The following NUP210 variants were observed in gnomAD, a reference collection of about 807,000 sequenced individuals.
NUP210 encodes the protein nucleoporin 210, also known as nuclear pore membrane glycoprotein 210.
Under a neutral mutation model 196.0 loss-of-function variants are expected in NUP210, and 151 were observed. The observed-to-expected ratio is 0.77, with a 90% CI of 0.67 to 0.88. The LOEUF (loss-of-function observed/expected upper bound fraction) is 0.88, where lower values mean the gene tolerates loss of function less well. Ranked by LOEUF, NUP210 falls within the 40% of genes least tolerant of loss-of-function variation. The pLI is 0.00. For missense variants in NUP210, 2,314 were observed against 2,493.7 expected (o/e 0.93, Z 1.53); for synonymous variants, 1,070 against 1,052.7 (o/e 1.02, Z -0.32).
intron 1 of NUP210, among the ~76,000 whole-genome samples, chr3:13,414,219 C>T (rs1390648100): frequency 6.6e-6 from 1 of 152,244 alleles, no homozygotes; most frequent in Non-Finnish European, 1.5e-5. Flanking sequence ...TCCCATCCAC[C>T]CGCGGGGTCC....
chr3:13,415,526 T>C (rs1414557209), intron 1 of NUP210, among the ~76,000 whole-genome samples: 3 of 152,140 alleles, frequency 2.0e-5, no homozygotes, highest in African/African-American at 4.8e-5. Context: ...GGATGCAGCA[T>C]GCACACAAAT....
chr3:13,366,247 G>C (rs1426869864), intron 13 of NUP210, among the ~76,000 whole-genome samples, 156 bp from the exon 14 acceptor site: 1 of 152,196 alleles, frequency 6.6e-6, no homozygotes, highest in Non-Finnish European at 1.5e-5. Context: ...TCCTGCCTCA[G>C]CCTCCCAGAT....
At chr3:13,335,873 G>A (rs1009515387) in intron 27 of NUP210, among the ~76,000 whole-genome samples, 2 of 152,232 alleles carry the variant, frequency 1.3e-5, no homozygotes, top group Admixed American at 6.5e-5. Context: ...AAAACACTGG[G>A]CCCACCCACG....
At chr3:13,392,764 G>A (rs2062851) in intron 3 of NUP210, among the ~76,000 whole-genome samples, 87,807 of 152,132 alleles carry the variant, frequency 0.58, 26,531 homozygotes, top group African/African-American at 0.76. Flanking sequence ...GAGTACTGCT[G>A]GCCCCAGTTC....
Position 13,345,279 on chromosome 3 carries a change from T to C in NUP210, c.2836-1976A>G, listed in dbSNP as rs369395550. The C allele has an allele frequency of 3.1e-6, 3 of 966,128 alleles. No individual in the cohort carries two copies. The African/African-American group carries it at 5.3e-5, about 17-fold the overall frequency. 59.8% of individuals were successfully genotyped at this position (966,128 alleles called of 1,614,324 possible). A position where few individuals can be genotyped will look rare whatever the true frequency, so the allele number is the denominator to read the frequency against. On this transcript the variant is annotated intron_variant, in intron 20 of 39. Coordinates refer to ENST00000254508, the MANE Select transcript of NUP210 (RefSeq NM_024923.4). The stretch of plus-strand genomic sequence containing the variant: ...CCTTCACTTATTTGGAAAGTGCTGA[T>C]TCTGGTCCAACCACTTCAATGTGCA...
chr3:13,418,858 A>G (rs1016768805), intron 1 of NUP210, among the ~76,000 whole-genome samples: 5 of 145,946 alleles, frequency 3.4e-5, no homozygotes, highest in Non-Finnish European at 7.5e-5. Context: ...ACGAGGCGGG[A>G]GAATCGCTTG....
intron 13 of NUP210, among the ~76,000 whole-genome samples, chr3:13,370,518 C>A (rs1218088257): frequency 6.6e-6 from 1 of 152,148 alleles, no homozygotes; most frequent in Admixed American, 6.5e-5. Context: ...GGGACCTGAG[C>A]CCATGCCTGA....
Position 13,337,906 on chromosome 3 carries a change from C to T in NUP210, c.3483G>A (p.Gln1161=), listed in dbSNP as rs1278278446. 6.2e-7 allele frequency: 1 copy of T among 1,612,856 alleles called. No individual in the cohort carries two copies. Among genetic ancestry groups the T allele is most frequent in the Non-Finnish European group, 8.5e-7 (1 of 1,179,858 alleles). Reference sequence around the variant, plus strand: ...CGGCCCTTAGCAGCAGCACCTCCACCTGCACGAGGTCCTGGGGAAACAGGG... The same window carrying T: ...CGGCCCTTAGCAGCAGCACCTCCACTTGCACGAGGTCCTGGGGAAACAGGG... The part of the protein sequence containing the change: ...KVVIISQDLV[Q]VEVLLLRAVR... Residue 1161 remains glutamine, a synonymous_variant, in exon 26 of 40, where the codon CAG becomes CAA. Transcript: ENST00000254508.
At chr3:13,335,417 CT>C in intron 28 of NUP210, 36 bp downstream of exon 28, 2 of 1,592,830 alleles carry the variant, frequency 1.3e-6, no homozygotes, top group Non-Finnish European at 1.7e-6. Context: ...GGCACTTCCT[CT>C]CCCCCTTCCC....
In NUP210 at chr3:13,418,759, G is replaced by A. The variant is rs1700429963; in HGVS notation, c.167+1301C>T. Among the ~76,000 whole-genome samples, 3 of 151,814 alleles carry A rather than the reference G, an allele frequency of 2.0e-5. No homozygotes were observed. In the South Asian group the frequency reaches 6.3e-4, roughly 32 times the overall value. On this transcript the variant is annotated intron_variant, in intron 1 of 39. Coordinates refer to ENST00000254508, the MANE Select transcript of NUP210 (RefSeq NM_024923.4). Reference sequence around the variant, plus strand: ...ACAGAGATCGCGCCATTGCACTCCAGCCTGGGCAACAAGGGCTGGAGTGCA... The same window carrying A: ...ACAGAGATCGCGCCATTGCACTCCAACCTGGGCAACAAGGGCTGGAGTGCA...
chr3:13,397,894 T>G (rs573335874), intron 2 of NUP210, among the ~76,000 whole-genome samples: 1 of 152,220 alleles, frequency 6.6e-6, no homozygotes, highest in Non-Finnish European at 1.5e-5. Context: ...TTTTCACATA[T>G]GCTGGTGTTT....
chr3:13,373,612 C>A, intron 12 of NUP210, 106 bp downstream of exon 12: 1 of 1,192,378 alleles, frequency 8.4e-7, no homozygotes, highest in East Asian at 2.4e-5. Flanking sequence ...AAGTACAGGA[C>A]CCAAGGTTGG....
chr3:13,397,921 A>G (rs1576418144), intron 2 of NUP210, among the ~76,000 whole-genome samples: 1 of 152,318 alleles, frequency 6.6e-6, no homozygotes, highest in South Asian at 2.1e-4. Context: ...AAGACTATCA[A>G]GTATAGTACA....
intron 16 of NUP210, 87 bp downstream of exon 16, chr3:13,358,135 T>C: frequency 8.0e-7 from 1 of 1,251,196 alleles, no homozygotes; most frequent in Non-Finnish European, 1.1e-6. Flanking sequence ...TCCGTTGCAA[T>C]GCTCGGGACC....
At chr3:13,380,868 A>T (rs775498705) in intron 6 of NUP210, among the ~76,000 whole-genome samples, 1 of 152,210 alleles carries the variant, frequency 6.6e-6, no homozygotes, top group South Asian at 2.1e-4. Flanking sequence ...TTTTCATGTG[A>T]TCTAATAAGT....
At position 13,372,035 on chromosome 3, in the gene NUP210, G is replaced by A. The variant is rs1351459172; in HGVS notation, c.1588-3C>T. Reference sequence around the variant, plus strand: ...CTGTGGGGCTCGATCACATACACCTGGAAGACAGGGGCATGGCCTGGGCTC... The same window carrying A: ...CTGTGGGGCTCGATCACATACACCTAGAAGACAGGGGCATGGCCTGGGCTC... On this transcript the variant is annotated splice_region_variant and splice_polypyrimidine_tract_variant and intron_variant, in intron 12 of 39. Coordinates refer to ENST00000254508, the MANE Select transcript of NUP210 (RefSeq NM_024923.4). The A allele has an allele frequency of 6.4e-7, 1 of 1,564,134 alleles. No individual in the cohort carries two copies. Among genetic ancestry groups the A allele is most frequent in the Admixed American group, 1.9e-5 (1 of 53,516 alleles).
At chr3:13,399,596 G>C (rs1444300292) in intron 2 of NUP210, 129 bp downstream of exon 2, 3 of 1,246,906 alleles carry the variant, frequency 2.4e-6, no homozygotes, top group Non-Finnish European at 3.4e-6. Context: ...TCTCCTGCCT[G>C]GGTGTCCTGC....
Position 13,348,947 on chromosome 3 carries a change from T to G in NUP210, c.2835+2932A>C. On this transcript the variant is annotated intron_variant, in intron 20 of 39. Transcript: ENST00000254508. The surrounding 1 kb of genome is among the most constrained non-coding windows in gnomAD (Gnocchi z 4.0). The stretch of plus-strand genomic sequence containing the variant: ...TGTTTCACACAAAAATAGAGATCTC[T>G]ATTTTCTCTTGAAAATCAGAAGCTC... The G allele has an allele frequency of 9.2e-5, 86 of 930,482 alleles. No homozygotes were observed. Among genetic ancestry groups the G allele is most frequent in the East Asian group, 2.3e-4 (2 of 8,560 alleles). The allele number at this position is 930,482 out of a possible 1,614,324, so 57.6% of individuals were successfully genotyped here.
chr3:13,339,238 G>A (rs1285887726), intron 25 of NUP210, among the ~76,000 whole-genome samples: 4 of 152,220 alleles, frequency 2.6e-5, no homozygotes, highest in South Asian at 2.1e-4. Flanking sequence ...CTGGGGTGCT[G>A]TGTTTACAGG....
Sources: gnomAD v4.1 joint callset for allele counts (sites outside exome capture counted in the v4.1 genomes callset) on GRCh38, gnomAD v4.1.1 for gene constraint, Gnocchi (gnomAD v3.1) non-coding constraint, MANE v1.5 for transcripts, NCBI Gene and HGNC (gene_info 2026-07-23, HGNC 2026-07-21) for gene names.